ARL10: variants seen among roughly 807,000 people sequenced by gnomAD.
The protein encoded by ARL10 is ADP-ribosylation factor-like protein 10.
Under a neutral mutation model 26.1 loss-of-function variants are expected in ARL10, and 23 were observed. That is an observed-to-expected ratio of 0.88 (90% CI 0.63 to 1.25). The LOEUF (loss-of-function observed/expected upper bound fraction) is 1.25, where lower values mean the gene tolerates loss of function less well. Among genes scored for constraint, ARL10 ranks in the 50% most tolerant of loss-of-function variants. The pLI is 0.00. For synonymous variants in ARL10, 138 were observed against 149.1 expected, an observed-to-expected ratio of 0.93 and a Z score of 0.54; for missense variants, 300 against 323.6, an observed-to-expected ratio of 0.93 and a Z score of 0.56.
downstream of ARL10, chr5:176,384,587 G>C (rs927906597): frequency 2.6e-5 from 15 of 573,082 alleles, no homozygotes; most frequent in Non-Finnish European, 4.3e-5. Flanking sequence ...AGGAGTTCCA[G>C]GCCACCCTGG....
intron 3 of ARL10, among the ~76,000 whole-genome samples, chr5:176,370,896 A>C (rs1351808263): frequency 4.6e-5 from 7 of 152,164 alleles, no homozygotes; most frequent in Admixed American, 4.6e-4. Context: ...TCCATGACTG[A>C]GTTTAGGAAA....
chr5:176,411,298 T>C, the ARL10 span, among the ~76,000 whole-genome samples: 2,366 of 152,272 alleles, frequency 0.016, 48 homozygotes, highest in African/African-American at 0.054. Flanking sequence ...CTGTAAAACA[T>C]GCACTTACCT....
chr5:176,375,227 T>TCCACCCATCCAC lies in ARL10; in HGVS notation c.*3335_*3336insCCCATCCACCCA, dbSNP rs1561775896. 1 of 109,712 alleles carries TCCACCCATCCAC rather than the reference T, an allele frequency of 9.1e-6. No homozygotes were observed. The highest frequency in any genetic ancestry group is 1.9e-5 in the Non-Finnish European group (1 of 53,866). 6.8% of individuals were successfully genotyped at this position (109,712 alleles called of 1,614,324 possible). A position where few individuals can be genotyped will look rare whatever the true frequency, so the allele number is the denominator to read the frequency against. On this transcript the variant is annotated 3_prime_UTR_variant, in exon 4 of 4. Coordinates refer to ENST00000310389, the MANE Select transcript of ARL10 (RefSeq NM_173664.6). ...ATCCACTCATCCACCCATCCACCCA[T>TCCACCCATCCAC]CCATCCATCCATCCATCCATCCTTC...
rs1484389733 is a variant in ARL10, at chr5:176,373,732, A to G, written c.*1837A>G. 6.6e-6 allele frequency: 1 copy of G among 152,148 alleles called. No individual in the cohort carries two copies. The highest frequency in any genetic ancestry group is 1.9e-4 in the East Asian group (1 of 5,192). 9.4% of individuals were successfully genotyped at this position (152,148 alleles called of 1,614,324 possible). A position where few individuals can be genotyped will look rare whatever the true frequency, so the allele number is the denominator to read the frequency against. Reference sequence around the variant, plus strand: ...GAAGTGATTTATGGGCTTTTATGTAAAATTTTAAGAATGACTTGGGTTTCA... The same window carrying G: ...GAAGTGATTTATGGGCTTTTATGTAGAATTTTAAGAATGACTTGGGTTTCA... On this transcript the variant is annotated 3_prime_UTR_variant, in exon 4 of 4. Coordinates refer to ENST00000310389, the MANE Select transcript of ARL10 (RefSeq NM_173664.6).
At chr5:176,409,037 C>T in the ARL10 span, among the ~76,000 whole-genome samples, 2 of 152,212 alleles carry the variant, frequency 1.3e-5, no homozygotes, top group African/African-American at 4.8e-5. Context: ...AGTGCAGTGG[C>T]GTGATCTCGG....
downstream of ARL10, chr5:176,385,407 A>C (rs1581406125): frequency 2.3e-4 from 189 of 810,438 alleles, no homozygotes; most frequent in East Asian, 6.8e-4. Flanking sequence ...TCACCCCTTC[A>C]CCCACTCCCA....
At chr5:176,383,823 G>A, downstream of ARL10, 5 of 668,122 alleles carry the variant, frequency 7.5e-6, no homozygotes, top group South Asian at 7.9e-5. Flanking sequence ...GTGCCTAGAA[G>A]AGCAAGTGAA....
chr5:176,381,632 T>G lies in ARL10; in HGVS notation c.*9737T>G, dbSNP rs1755554748. The G allele has an allele frequency of 6.6e-6, 1 of 152,228 alleles. No homozygotes were observed. Among genetic ancestry groups the G allele is most frequent in the African/African-American group, 2.4e-5 (1 of 41,462 alleles). 9.4% of individuals were successfully genotyped at this position (152,228 alleles called of 1,614,324 possible). ...TGTTTTGGCAGCCTTCAGCCTATGG[T>G]TGGCTGAGATCTGACTACTTGTTAC... On this transcript the variant is annotated 3_prime_UTR_variant, in exon 4 of 4. Transcript: ENST00000310389.
chr5:176,370,923 A>C (rs536418777), intron 3 of ARL10, among the ~76,000 whole-genome samples: 1 of 152,292 alleles, frequency 6.6e-6, no homozygotes, highest in African/African-American at 2.4e-5. Flanking sequence ...TATCAAACCA[A>C]CCTGAGTTGG....
downstream of ARL10, among the ~76,000 whole-genome samples, chr5:176,390,609 G>A (rs1756235063): frequency 6.6e-6 from 1 of 151,812 alleles, no homozygotes; most frequent in African/African-American, 2.4e-5. Flanking sequence ...TTTGTATTTC[G>A]TATTTTTAGT....
rs571767102 is a variant in ARL10, at chr5:176,368,744, G to A, written c.386-63G>A. 2.0e-6 allele frequency: 3 copies of A among 1,525,314 alleles called. No individual in the cohort carries two copies. Among genetic ancestry groups the A allele is most frequent in the Non-Finnish European group, 2.6e-6 (3 of 1,136,682 alleles). 94.5% of individuals were successfully genotyped at this position (1,525,314 alleles called of 1,614,324 possible). The stretch of plus-strand genomic sequence containing the variant: ...AGTGAGCGGGGGCCCGGGGTGGGGT[G>A]GGGGCTGTGGGCAGTGAGCGGGGGC... On this transcript the variant is annotated intron_variant, in intron 2 of 3. Transcript: ENST00000310389. The surrounding 1 kb of genome is among the most constrained non-coding windows in gnomAD (Gnocchi z 4.1).
chr5:176,394,552 T>C (rs1446078991), intron 1 of ARL10, among the ~76,000 whole-genome samples: 2 of 151,824 alleles, frequency 1.3e-5, no homozygotes, highest in Non-Finnish European at 2.9e-5. Context: ...GCGCGGTGGC[T>C]CATGCCTGTA....
chr5:176,384,459 C>T (rs1162887536), downstream of ARL10: 6 of 1,354,498 alleles, frequency 4.4e-6, no homozygotes, highest in African/African-American at 5.8e-5. Flanking sequence ...AAGCCACTTG[C>T]TATCTATCCC....
chr5:176,414,124 A>G, the ARL10 span, among the ~76,000 whole-genome samples: 4 of 151,890 alleles, frequency 2.6e-5, no homozygotes, highest in African/African-American at 7.2e-5. Context: ...GGTTCTCACA[A>G]TGGCTCCCCT....
rs905843995 is a variant in ARL10 at position 176,374,031 on chromosome 5, G to T, written c.*2136G>T. 1.3e-5 allele frequency: 2 copies of T among 152,110 alleles called. 1 individual carries two copies. Among genetic ancestry groups the T allele is most frequent in the African/African-American group, 4.8e-5 (2 of 41,414 alleles). The allele number at this position is 152,110 out of a possible 1,614,324, so 9.4% of individuals were successfully genotyped here. ...AGCCAGAGAAACGAAAATAACTTAG[G>T]TTGCCTGATTGGCTGCAGTCTGGCA... On this transcript the variant is annotated 3_prime_UTR_variant, in exon 4 of 4. Transcript: ENST00000310389.
intron 1 of ARL10, chr5:176,397,864 A>G: frequency 3.3e-6 from 5 of 1,495,648 alleles, no homozygotes; most frequent in Non-Finnish European, 4.6e-6. Flanking sequence ...ATGCACTCCG[A>G]GGACTCCCCA....
downstream of ARL10, chr5:176,384,802 C>T (rs764797854): frequency 2.3e-5 from 9 of 388,398 alleles, no homozygotes; most frequent in Admixed American, 4.2e-5. Flanking sequence ...GAGAGTCCAG[C>T]GGGCCAGGGA....
chr5:176,399,298 T>C (rs1275512676), intron 1 of ARL10, among the ~76,000 whole-genome samples: 1 of 152,208 alleles, frequency 6.6e-6, no homozygotes, highest in Non-Finnish European at 1.5e-5. Context: ...CCCTGAGATA[T>C]GCAGCATGAT....
At chr5:176,410,131 C>A in the ARL10 span, 1 of 810,534 alleles carries the variant, frequency 1.2e-6, no homozygotes. Context: ...CTCTATGTTT[C>A]CACCCCAATG....
Sources: allele counts gnomAD v4.1 joint callset (sites outside exome capture counted in the v4.1 genomes callset), GRCh38; gene constraint gnomAD v4.1.1; non-coding constraint Gnocchi (gnomAD v3.1); transcripts MANE v1.5; gene names NCBI Gene and HGNC (gene_info 2026-07-23, HGNC 2026-07-21).